The following COMMD10 variants were observed in gnomAD, a reference collection of about 807,000 sequenced individuals.
The protein encoded by COMMD10 is COMM domain-containing protein 10.
In COMMD10, 33 loss-of-function variants were observed where a neutral mutation model predicts 28.9. That is an observed-to-expected ratio of 1.14 (90% CI 0.87 to 1.53). COMMD10 has a LOEUF of 1.53. Ranked by LOEUF, COMMD10 falls within the 40% of genes most tolerant of loss-of-function variation. The pLI is 0.00. For missense variants in COMMD10, 310 were observed against 233.4 expected, an observed-to-expected ratio of 1.33 and a Z score of -2.14; for synonymous variants, 110 against 81.7, an observed-to-expected ratio of 1.35 and a Z score of -1.87.
intron 5 of COMMD10, among the ~76,000 whole-genome samples, chr5:116,233,805 G>A (rs1749589248): frequency 6.6e-6 from 1 of 152,056 alleles, no homozygotes; most frequent in Non-Finnish European, 1.5e-5. Context: ...GAAGAGGAGA[G>A]GTGAGAGGGG....
intron 5 of COMMD10, among the ~76,000 whole-genome samples, chr5:116,142,310 G>A (rs1752220490): frequency 6.6e-6 from 1 of 151,640 alleles, no homozygotes; most frequent in Non-Finnish European, 1.5e-5. Context: ...TTCTTACCCT[G>A]TCAAATACTG....
intron 5 of COMMD10, among the ~76,000 whole-genome samples, chr5:116,198,061 C>T (rs1012292981): frequency 3.9e-5 from 6 of 152,160 alleles, no homozygotes; most frequent in African/African-American, 1.4e-4. Flanking sequence ...TTTATACACA[C>T]TTCACACATA....
intron 5 of COMMD10, among the ~76,000 whole-genome samples, chr5:116,221,963 T>A (rs1749271605): frequency 6.6e-6 from 1 of 152,140 alleles, no homozygotes; most frequent in Non-Finnish European, 1.5e-5. Flanking sequence ...TGTGAAAAGA[T>A]GAACTGAATC....
rs555362856 is a variant in COMMD10 at position 116,267,567 on chromosome 5, C to G, written c.511-23950C>G. On this transcript the variant is annotated intron_variant, in intron 5 of 6. Transcript: ENST00000274458. ...CAATGCCATCCCCATCAAGCTACCA[C>G]TGACTTTCTTCACAGAATTGGAAAA... 2.2e-4 allele frequency among the ~76,000 whole-genome samples: 34 copies of G among 151,810 alleles called. 1 individual carries two copies. The highest frequency in any genetic ancestry group is 3.4e-4 in the African/African-American group (14 of 41,230).
intron 5 of COMMD10, among the ~76,000 whole-genome samples, chr5:116,263,473 G>A (rs1386791295): frequency 2.0e-5 from 3 of 151,764 alleles, no homozygotes; most frequent in Non-Finnish European, 4.4e-5. Flanking sequence ...ACATCTTATA[G>A]AGAATCCCCT....
chr5:116,290,599 G>A (rs1254748512), intron 5 of COMMD10, among the ~76,000 whole-genome samples: 2 of 151,828 alleles, frequency 1.3e-5, no homozygotes, highest in African/African-American at 4.9e-5. Flanking sequence ...CAGTATGTTG[G>A]AAATGACCAT....
chr5:116,233,157 G>T (rs1749570591), intron 5 of COMMD10, among the ~76,000 whole-genome samples: 1 of 151,994 alleles, frequency 6.6e-6, no homozygotes, highest in South Asian at 2.1e-4. Context: ...GTTACCTTTG[G>T]TTAACTGTGG....
chr5:116,120,187 G>A (rs1045176379), intron 4 of COMMD10, among the ~76,000 whole-genome samples: 1 of 152,082 alleles, frequency 6.6e-6, no homozygotes, highest in East Asian at 1.9e-4. Flanking sequence ...AAGGAATGAA[G>A]TAGCGTTTTT....
chr5:116,210,587 A>T (rs539455411), intron 5 of COMMD10, among the ~76,000 whole-genome samples: 1 of 152,194 alleles, frequency 6.6e-6, no homozygotes, highest in Middle Eastern at 3.4e-3. Flanking sequence ...GACATTGTTT[A>T]TCTAGTCAGC....
chr5:116,247,649 A>G (rs1490988990), intron 5 of COMMD10, among the ~76,000 whole-genome samples: 2 of 152,110 alleles, frequency 1.3e-5, no homozygotes, highest in Non-Finnish European at 2.9e-5. Flanking sequence ...GAACGAGATC[A>G]TATCCTTTGC....
chr5:116,194,645 C>A (rs1011025893), intron 5 of COMMD10, among the ~76,000 whole-genome samples: 4 of 152,022 alleles, frequency 2.6e-5, no homozygotes, highest in Non-Finnish European at 5.9e-5. Flanking sequence ...CTTGAACAGA[C>A]CAATAACAAG....
intron 5 of COMMD10, among the ~76,000 whole-genome samples, chr5:116,260,172 T>C (rs1750402081): frequency 6.6e-6 from 1 of 151,792 alleles, no homozygotes; most frequent in African/African-American, 2.4e-5. Context: ...ATTTTGAAAT[T>C]AAGAGAACTA....
chr5:116,119,094 G>C (rs893447043), intron 4 of COMMD10, among the ~76,000 whole-genome samples: 3 of 151,950 alleles, frequency 2.0e-5, no homozygotes, highest in Admixed American at 6.6e-5. Flanking sequence ...ATATATTCTT[G>C]GTATGCAGAG....
At chr5:116,217,769 C>T (rs944360719) in intron 5 of COMMD10, among the ~76,000 whole-genome samples, 2 of 152,076 alleles carry the variant, frequency 1.3e-5, no homozygotes, top group African/African-American at 2.4e-5. Flanking sequence ...GGAATCCCTC[C>T]TGGGAGCCAA....
chr5:116,225,322 T>G lies in COMMD10; in HGVS notation c.511-66195T>G, dbSNP rs922909613. On this transcript the variant is annotated intron_variant, in intron 5 of 6. Transcript: ENST00000274458. ...TGAGTGTATTTTTTCTTAAGTAATT[T>G]CCTGAAGACTTTCCTGTTTGTTTTT... Among the ~76,000 whole-genome samples the G allele has an allele frequency of 3.2e-4, 49 of 151,156 alleles. No individual in the cohort carries two copies. The South Asian group carries it at 4.6e-3, about 14-fold the overall frequency.
chr5:116,232,578 G>A (rs146598239), intron 5 of COMMD10, among the ~76,000 whole-genome samples: 172 of 152,122 alleles, frequency 1.1e-3, no homozygotes, highest in Admixed American at 2.1e-3. Flanking sequence ...GCGGGTGCCT[G>A]TAATCCCAGC....
At chr5:116,169,303 G>C (rs557859165) in intron 5 of COMMD10, among the ~76,000 whole-genome samples, 9 of 152,260 alleles carry the variant, frequency 5.9e-5, no homozygotes, top group African/African-American at 2.2e-4. Flanking sequence ...CCAGGAATAA[G>C]ATGAATCTCT....
chr5:116,261,027 T>C (rs907548481), intron 5 of COMMD10, among the ~76,000 whole-genome samples: 3 of 151,796 alleles, frequency 2.0e-5, no homozygotes, highest in African/African-American at 7.3e-5. Context: ...TATTTTTCTC[T>C]TTTACTTTTT....
intron 4 of COMMD10, among the ~76,000 whole-genome samples, chr5:116,116,118 C>A (rs1277198040): frequency 6.6e-6 from 1 of 151,908 alleles, no homozygotes; most frequent in Admixed American, 6.6e-5. Context: ...CTTGAGAAAT[C>A]TACATGAAAA....
Sources: allele counts gnomAD v4.1 joint callset (sites outside exome capture counted in the v4.1 genomes callset), GRCh38; gene constraint gnomAD v4.1.1; transcripts MANE v1.5; gene names NCBI Gene and HGNC (gene_info 2026-07-23, HGNC 2026-07-21).